Variants in MZT2A observed in about 807,000 individuals in gnomAD.
MZT2A encodes mitotic-spindle organizing protein 2A.
A neutral mutation model predicts 12.4 loss-of-function variants in MZT2A; 8 were observed. That is an observed-to-expected ratio of 0.64 (90% confidence interval 0.38 to 1.16). The LOEUF is 1.16. Ranked by LOEUF, MZT2A falls within the 50% of genes most tolerant of loss-of-function variation. The probability of loss-of-function intolerance (pLI) is 0.01; values close to 1 mark genes in which losing one functional copy is unlikely to be tolerated. For synonymous variants in MZT2A, 88 were observed against 107.5 expected, an observed-to-expected ratio of 0.82 and a Z score of 1.12; for missense variants, 181 against 223.6, an observed-to-expected ratio of 0.81 and a Z score of 1.22.
intron 2 of MZT2A, chr2:131,478,414 T>C: frequency 1.3e-6 from 2 of 1,583,480 alleles, no homozygotes; most frequent in Non-Finnish European, 1.7e-6. Context: ...GGATGGCAGC[T>C]TTCCTGAGAG....
At chr2:131,491,330 A>G in intron 2 of MZT2A, 1 of 285,156 alleles carries the variant, frequency 3.5e-6, no homozygotes, top group Non-Finnish European at 6.8e-6. Flanking sequence ...CATCAGAGGC[A>G]GGAACTGGGC....
chr2:131,482,230 T>C (rs543698985), downstream of MZT2A, among the ~76,000 whole-genome samples: 1 of 152,298 alleles, frequency 6.6e-6, no homozygotes, highest in Admixed American at 6.5e-5. Context: ...TTAATTGTAA[T>C]CTACAAAGAA....
In MZT2A at chr2:131,472,078, T is replaced by G. The variant is rs1202617726; in HGVS notation, c.385A>C (p.Thr129Pro). ...AACCGAACTGCCTACCTTGTGCATG[T>G]CCTCCTTCTCCTGCCACACCATGCG... is the stretch of plus-strand genomic sequence containing the variant. Residue 129 changes from threonine (T) to proline (P), a missense_variant and NMD_transcript_variant, in exon 3 of 5, where the codon ACA becomes CCA. Coordinates refer to the MZT2A transcript ENST00000427024. The G allele has an allele frequency of 3.1e-6, 4 of 1,290,396 alleles. No homozygotes were observed. In the East Asian group the frequency reaches 2.2e-4, roughly 72 times the overall value. The allele number at this position is 1,290,396 out of a possible 1,614,324, so 79.9% of individuals were successfully genotyped here. A position where few individuals can be genotyped will look rare whatever the true frequency, so the allele number is the denominator to read the frequency against.
intron 1 of MZT2A, 67 bp from the exon 2 acceptor site, chr2:131,492,091 G>A: frequency 1.3e-6 from 2 of 1,570,504 alleles, no homozygotes; most frequent in South Asian, 1.2e-5. Flanking sequence ...CTGAAGACCG[G>A]ACAAGGACGG....
downstream of MZT2A, chr2:131,480,582 G>C: frequency 6.2e-7 from 1 of 1,611,520 alleles, no homozygotes; most frequent in Middle Eastern, 1.7e-4. Context: ...TGCCTGCTTC[G>C]AGCCAGCCAA....
At chr2:131,482,519 T>A (rs751430413), downstream of MZT2A, 1 of 1,581,398 alleles carries the variant, frequency 6.3e-7, no homozygotes, top group Non-Finnish European at 8.6e-7. Flanking sequence ...TGATATAAGC[T>A]TCATGGACTG....
intron 2 of MZT2A, among the ~76,000 whole-genome samples, chr2:131,476,792 G>A (rs369824020): frequency 2.0e-5 from 3 of 151,566 alleles, no homozygotes; most frequent in African/African-American, 7.3e-5. Context: ...AAAATTACCC[G>A]GGCATGGTGA....
rs529478280 is a variant in MZT2A at position 131,488,945 on chromosome 2, C to A, written c.319+2931G>T. The stretch of plus-strand genomic sequence containing the variant: ...CATGGCACCCCCTAATCCTCCTGGC[C>A]CCTCTATGCCTGCATTTCCAGTGCC... On this transcript the variant is annotated intron_variant, in intron 2 of 2. Transcript: ENST00000309451. Among the ~76,000 whole-genome samples, 90 of 150,132 alleles carry A rather than the reference C, an allele frequency of 6.0e-4. 2 individuals are homozygous for A. The highest frequency in any genetic ancestry group is 5.9e-3 in the South Asian group (27 of 4,604).
At chr2:131,490,571 C>T (rs1679251205) in intron 2 of MZT2A, 1 of 1,523,096 alleles carries the variant, frequency 6.6e-7, no homozygotes, top group Non-Finnish European at 8.8e-7. Flanking sequence ...GAAATAGTGC[C>T]CTGTGGCTAA....
At chr2:131,489,565 T>C (rs959634099) in intron 2 of MZT2A, 2 of 151,968 alleles carry the variant, frequency 1.3e-5, no homozygotes, top group African/African-American at 2.4e-5. Context: ...AGATGGGGTT[T>C]CACCGTGTTA....
intron 2 of MZT2A, among the ~76,000 whole-genome samples, chr2:131,474,704 CT>C (rs1415484312): frequency 1.3e-5 from 2 of 151,928 alleles, no homozygotes; most frequent in Non-Finnish European, 2.9e-5. Context: ...GCCACCACGC[CT>C]GACCCAATAA....
At position 131,491,586 on chromosome 2, in the gene MZT2A, T is replaced by C; in HGVS notation, c.319+290A>G. The stretch of plus-strand genomic sequence containing the variant: ...CAAACCGTCTTGATTCCCGACTTTG[T>C]AGGATGAAGGCCTGAGTGAAGAGGT... On this transcript the variant is annotated intron_variant, in intron 2 of 2. Coordinates refer to ENST00000309451, the MANE Select transcript of MZT2A (RefSeq NM_001085365.2). 4 of 546,262 alleles carry C rather than the reference T, an allele frequency of 7.3e-6. No individual in the cohort carries two copies. In the South Asian group the frequency reaches 9.2e-5, roughly 12 times the overall value. 33.8% of individuals were successfully genotyped at this position (546,262 alleles called of 1,614,324 possible). A position where few individuals can be genotyped will look rare whatever the true frequency, so the allele number is the denominator to read the frequency against.
chr2:131,490,816 G>C, intron 2 of MZT2A: 1 of 1,550,008 alleles, frequency 6.5e-7, no homozygotes, highest in South Asian at 1.2e-5. Flanking sequence ...TAACCAGAGA[G>C]GCCGCAGGCT....
chr2:131,492,186 GC>G lies in MZT2A; in HGVS notation c.170+20del, dbSNP rs774508981. 1.5e-5 allele frequency: 23 copies of G among 1,543,794 alleles called. No individual in the cohort carries two copies. In the African/African-American group the frequency reaches 2.9e-4, roughly 19 times the overall value. On this transcript the variant is annotated intron_variant, in intron 1 of 2. Coordinates refer to ENST00000309451, the MANE Select transcript of MZT2A (RefSeq NM_001085365.2). ...GTCGGGGGTGTCTGGCGAGCATGCG[GC>G]CCCCACCCGCCCCGCTCACTTGAAC... is the stretch of plus-strand genomic sequence containing the variant.
chr2:131,490,196 G>A, intron 2 of MZT2A: 2 of 755,108 alleles, frequency 2.6e-6, no homozygotes, highest in Non-Finnish European at 3.2e-6. Context: ...CCTGGAAAGT[G>A]TCCCAACTCA....
At chr2:131,477,274 A>G (rs6731490) in intron 2 of MZT2A, among the ~76,000 whole-genome samples, 25,540 of 151,360 alleles carry the variant, frequency 0.17, 3,975 homozygotes, top group African/African-American at 0.41. Context: ...GTCCCAAGTG[A>G]TCCTCTCACC....
chr2:131,492,500 G>C (rs6756792), upstream of MZT2A: 126 of 1,126,666 alleles, frequency 1.1e-4, 1 homozygote, highest in Admixed American at 5.9e-4. Context: ...CGGCGGGAGC[G>C]CGGGGACGGG....
chr2:131,489,260 G>C (rs1386852295), intron 2 of MZT2A: 1 of 150,940 alleles, frequency 6.6e-6, no homozygotes, highest in Non-Finnish European at 1.5e-5. Flanking sequence ...CCAGTCACAA[G>C]CTCTTGGCTC....
downstream of MZT2A, chr2:131,479,401 A>C (rs1370314400): frequency 6.2e-7 from 1 of 1,614,072 alleles, no homozygotes; most frequent in Non-Finnish European, 8.5e-7. Flanking sequence ...GCCAGGGGCC[A>C]TTACACCATC....
Sources: gnomAD v4.1 joint callset for allele counts (sites outside exome capture counted in the v4.1 genomes callset) on GRCh38, gnomAD v4.1.1 for gene constraint, MANE v1.5 for transcripts, NCBI Gene and HGNC (gene_info 2026-07-23, HGNC 2026-07-21) for gene names.